Variants in AK5 observed in about 807,000 individuals in gnomAD.
The protein encoded by AK5 is adenylate kinase 5.
In AK5, 27 loss-of-function variants were observed where a neutral mutation model predicts 69.5. The observed-to-expected ratio is 0.39, with a 90% confidence interval of 0.29 to 0.54. AK5 has a LOEUF of 0.54. Among genes scored for constraint, AK5 ranks in the 20% least tolerant of loss-of-function variants. The probability of loss-of-function intolerance (pLI) is 0.71; values close to 1 mark genes in which losing one functional copy is unlikely to be tolerated. For missense variants in AK5, 531 were observed against 700.4 expected (o/e 0.76, Z 2.73); for synonymous variants, 260 against 244.4 (o/e 1.06, Z -0.60).
intron 10 of AK5, among the ~76,000 whole-genome samples, chr1:77,497,885 T>C (rs1656444878): frequency 6.6e-6 from 1 of 152,190 alleles, no homozygotes; most frequent in African/African-American, 2.4e-5. Flanking sequence ...CCTGGCCAGT[T>C]TTAAACATCT....
rs182700383 is a variant in AK5, at chr1:77,299,780, G to T, written c.699+1833G>T. Among the ~76,000 whole-genome samples the T allele has an allele frequency of 7.2e-5, 11 of 152,110 alleles. No homozygotes were observed. The East Asian group carries it at 2.1e-3, about 29-fold the overall frequency. On this transcript the variant is annotated intron_variant, in intron 5 of 13. Transcript: ENST00000354567. ...AGGCAGGCATTGCCACCCAAACCTGGTTCTCCCACCCACATATTGAATGTG... is the reference window on the plus strand; with the variant it reads ...AGGCAGGCATTGCCACCCAAACCTGTTTCTCCCACCCACATATTGAATGTG...
At chr1:77,346,109 C>T (rs978774563) in intron 6 of AK5, 5 of 152,124 alleles carry the variant, frequency 3.3e-5, no homozygotes, top group African/African-American at 9.7e-5. Flanking sequence ...TAAAGTTCTT[C>T]ATTCTTGTTA....
In AK5 at chr1:77,553,833, C is replaced by A. The variant is rs556994139; in HGVS notation, c.1621-4769C>A. Among the ~76,000 whole-genome samples, 3 of 152,246 alleles carry A rather than the reference C, an allele frequency of 2.0e-5. No individual in the cohort carries two copies. In the South Asian group the frequency reaches 6.2e-4, roughly 32 times the overall value. Reference sequence around the variant, plus strand: ...CAACCCCTTCCTTTCCTCCCTCCTCCCAGCGTTTGATAAGGCGAGCTCAGG... The same window carrying A: ...CAACCCCTTCCTTTCCTCCCTCCTCACAGCGTTTGATAAGGCGAGCTCAGG... On this transcript the variant is annotated intron_variant, in intron 13 of 13. Coordinates refer to ENST00000354567, the MANE Select transcript of AK5 (RefSeq NM_174858.3).
intron 10 of AK5, among the ~76,000 whole-genome samples, chr1:77,502,666 A>G (rs187666614): frequency 6.6e-6 from 1 of 152,324 alleles, no homozygotes; most frequent in East Asian, 1.9e-4. Context: ...GACCATGCTC[A>G]CCAAAACAAT....
At position 77,309,612 on chromosome 1, in the gene AK5, T is replaced by A. The variant is rs954544104; in HGVS notation, c.699+11665T>A. ...TTATTAGTGAACTTTCATGTTGCTT[T>A]AAAATTTGTTTTATCATCAGTACTT... On this transcript the variant is annotated intron_variant, in intron 5 of 13. Coordinates refer to ENST00000354567, the MANE Select transcript of AK5 (RefSeq NM_174858.3). Among the ~76,000 whole-genome samples, 61 of 152,196 alleles carry A rather than the reference T, an allele frequency of 4.0e-4. 1 individual carries two copies. The highest frequency in any genetic ancestry group is 4.8e-5 in the African/African-American group (2 of 41,422).
chr1:77,508,303 A>G (rs1362415636), intron 10 of AK5, among the ~76,000 whole-genome samples: 1 of 151,964 alleles, frequency 6.6e-6, no homozygotes. Context: ...TCCCTGGGGA[A>G]TTTTCTAAAA....
At position 77,367,305 on chromosome 1, in the gene AK5, G is replaced by A. The variant is rs561434454; in HGVS notation, c.891+26737G>A. ...GGGCATAGGACCCAAGTCTAAACAT[G>A]AAATTTATTTATGCTTTTTGGATTT... On this transcript the variant is annotated intron_variant, in intron 6 of 13. Transcript: ENST00000354567. 1.9e-4 allele frequency among the ~76,000 whole-genome samples: 29 copies of A among 151,226 alleles called. No homozygotes were observed. The Admixed American group carries it at 1.9e-3, about 10-fold the overall frequency.
intron 5 of AK5, among the ~76,000 whole-genome samples, chr1:77,299,050 T>C (rs893179850): frequency 6.6e-6 from 1 of 152,206 alleles, no homozygotes; most frequent in Non-Finnish European, 1.5e-5. Flanking sequence ...CATGCTCATA[T>C]ACAAATGCAT....
At chr1:77,475,353 TATA>T (rs1654803134) in intron 8 of AK5, among the ~76,000 whole-genome samples, 1 of 118,566 alleles carries the variant, frequency 8.4e-6, no homozygotes, top group African/African-American at 3.4e-5. Context: ...TATATACATA[TATA>T]TTATATATAT....
intron 10 of AK5, among the ~76,000 whole-genome samples, chr1:77,500,747 A>T (rs748700689): frequency 1.2e-4 from 18 of 152,174 alleles, no homozygotes; most frequent in Non-Finnish European, 2.2e-4. Context: ...GCACCACTGC[A>T]CTCCAGCCTG....
At chr1:77,516,009 G>A (rs1337516999) in intron 10 of AK5, among the ~76,000 whole-genome samples, 1 of 152,140 alleles carries the variant, frequency 6.6e-6, no homozygotes, top group Non-Finnish European at 1.5e-5. Flanking sequence ...GTTCAAGGAT[G>A]CAGTGAACTG....
chr1:77,453,463 C>A (rs143779234), intron 8 of AK5, among the ~76,000 whole-genome samples: 1 of 152,318 alleles, frequency 6.6e-6, no homozygotes, highest in East Asian at 1.9e-4. Context: ...CCATTCATTT[C>A]ACTGCAGTAT....
chr1:77,284,583 T>A (rs1317276481), intron 1 of AK5, among the ~76,000 whole-genome samples: 1 of 152,246 alleles, frequency 6.6e-6, no homozygotes, highest in African/African-American at 2.4e-5. Context: ...TAGACTTTTT[T>A]AAACCCACTT....
intron 6 of AK5, among the ~76,000 whole-genome samples, chr1:77,350,527 G>A (rs955714367): frequency 6.6e-6 from 1 of 152,238 alleles, no homozygotes; most frequent in African/African-American, 2.4e-5. Context: ...GCTGGTAGCT[G>A]TGTGTGAAAC....
At chr1:77,412,293 C>T (rs1208420028) in intron 7 of AK5, among the ~76,000 whole-genome samples, 1 of 152,114 alleles carries the variant, frequency 6.6e-6, no homozygotes, top group Non-Finnish European at 1.5e-5. Context: ...AGGACACGTG[C>T]TGTGTCCTCA....
intron 6 of AK5, among the ~76,000 whole-genome samples, chr1:77,407,743 A>G (rs1256553081): frequency 6.6e-6 from 1 of 152,138 alleles, no homozygotes; most frequent in Admixed American, 6.6e-5. Flanking sequence ...TAGTGAACAC[A>G]GTACCCAATA....
chr1:77,415,784 C>G (rs769849000), intron 7 of AK5, among the ~76,000 whole-genome samples: 2 of 152,154 alleles, frequency 1.3e-5, no homozygotes, highest in East Asian at 3.8e-4. Flanking sequence ...TTCGATTGCC[C>G]TTGCTTAGAA....
rs900844743 is a variant in AK5 at position 77,535,755 on chromosome 1, G to C, written c.1429-92G>C. Reference sequence around the variant, plus strand: ...CTGGGACCTTGAAGGGAACCAGAAGGCCAAGAAAGGAAAAACCAGAGGCCC... The same window carrying C: ...CTGGGACCTTGAAGGGAACCAGAAGCCCAAGAAAGGAAAAACCAGAGGCCC... On this transcript the variant is annotated intron_variant, in intron 12 of 13. Transcript: ENST00000354567. 1.0e-5 allele frequency: 12 copies of C among 1,181,598 alleles called. No individual in the cohort carries two copies. In the African/African-American group the frequency reaches 1.9e-4, roughly 18 times the overall value. The allele number at this position is 1,181,598 out of a possible 1,614,324, so 73.2% of individuals were successfully genotyped here. A position where few individuals can be genotyped will look rare whatever the true frequency, so the allele number is the denominator to read the frequency against.
chr1:77,322,704 T>TA (rs1049623718), intron 5 of AK5, among the ~76,000 whole-genome samples: 6 of 150,616 alleles, frequency 4.0e-5, no homozygotes, highest in African/African-American at 1.5e-4. Flanking sequence ...AGAGCTAAAT[T>TA]ACGCACCTTA....
Sources: gnomAD v4.1 joint callset for allele counts (sites outside exome capture counted in the v4.1 genomes callset) on GRCh38, gnomAD v4.1.1 for gene constraint, MANE v1.5 for transcripts, NCBI Gene and HGNC (gene_info 2026-07-23, HGNC 2026-07-21) for gene names.